Variants in SEC63 observed in about 807,000 individuals in gnomAD.
SEC63 encodes SEC63 protein translocation regulator.
In SEC63, 56 loss-of-function variants were observed where a neutral mutation model predicts 116.2. The observed-to-expected ratio is 0.48, with a 90% confidence interval of 0.39 to 0.60. The LOEUF (loss-of-function observed/expected upper bound fraction) is 0.60. Ranked by LOEUF, SEC63 falls within the 20% of genes least tolerant of loss-of-function variation. The pLI, the probability that SEC63 is intolerant of heterozygous loss-of-function variation, is 0.00. For synonymous variants in SEC63, 273 were observed against 294.6 expected, an observed-to-expected ratio of 0.93 and a Z score of 0.75; for missense variants, 668 against 900.0, an observed-to-expected ratio of 0.74 and a Z score of 3.30.
intron 4 of SEC63, among the ~76,000 whole-genome samples, chr6:107,918,691 CAA>C (rs56764439): frequency 1.8e-5 from 2 of 111,674 alleles, no homozygotes. Flanking sequence ...GACTCCATCT[CAA>C]AAAAAAAAAA....
chr6:107,898,701 A>G (rs867995081), intron 13 of SEC63, among the ~76,000 whole-genome samples: 2 of 152,216 alleles, frequency 1.3e-5, no homozygotes, highest in Non-Finnish European at 2.9e-5. Flanking sequence ...AAAGTTAATA[A>G]AACAAAATAA....
chr6:107,941,584 T>C (rs1405317943), intron 1 of SEC63, among the ~76,000 whole-genome samples: 1 of 152,130 alleles, frequency 6.6e-6, no homozygotes, highest in Non-Finnish European at 1.5e-5. Flanking sequence ...AACACCCAGA[T>C]AGTAATCATT....
Position 107,883,046 on chromosome 6 carries a change from C to A in SEC63, c.1775G>T (p.Gly592Val). The change falls in exon 17 of 21, where the codon GGT becomes GTT. Residue 592 changes from glycine to valine, a missense_variant. Around this residue, in one of 5 missense-constraint regions of SEC63, gnomAD observed 430 missense variants for 557.5 expected, o/e 0.77. Coordinates refer to ENST00000369002, the MANE Select transcript of SEC63 (RefSeq NM_007214.5). ...CTCTCTATCAGAGTCTCTGTCACTA[C>A]CATCATCTTTCTCACTTTGGGAATC... ...NRDSQSEKDD[G>V]SDRDSDREQD... 1 of 1,613,028 alleles carries A rather than the reference C, an allele frequency of 6.2e-7. No homozygotes were observed. The highest frequency in any genetic ancestry group is 8.5e-7 in the Non-Finnish European group (1 of 1,179,596).
intron 7 of SEC63, 196 bp downstream of exon 7, chr6:107,911,150 G>C (rs750147756): frequency 8.4e-6 from 5 of 594,322 alleles, no homozygotes; most frequent in Non-Finnish European, 1.5e-5. Context: ...GGAGTGCAGA[G>C]GTGGGGTCAT....
intron 10 of SEC63, 28 bp downstream of exon 10, chr6:107,906,420 C>T: frequency 6.2e-7 from 1 of 1,612,820 alleles, no homozygotes. Context: ...TCCCACTAAA[C>T]CTCTGTAGAT....
At position 107,939,310 on chromosome 6, in the gene SEC63, TTTGAAAACAA is replaced by T. The variant is rs529873685; in HGVS notation, c.125-9806_125-9797del. 4.6e-5 allele frequency among the ~76,000 whole-genome samples: 7 copies of T among 152,334 alleles called. No homozygotes were observed. In the South Asian group the frequency reaches 1.4e-3, roughly 32 times the overall value. On this transcript the variant is annotated intron_variant, in intron 1 of 20. Transcript: ENST00000369002. ...GAAAAAAAAACAACTAAAACTTATTTTTGAAAACAAAAAGTACACTTCTGCCAGTATGGCT... is the reference window on the plus strand; with the variant it reads ...GAAAAAAAAACAACTAAAACTTATTTAAAGTACACTTCTGCCAGTATGGCT...
chr6:107,956,738 G>A (rs111720229), intron 1 of SEC63, among the ~76,000 whole-genome samples: 2,232 of 151,968 alleles, frequency 0.015, 66 homozygotes, highest in African/African-American at 0.051. Context: ...GGGGCGGGGG[G>A]GAAAAAGAAT....
At chr6:107,908,388 T>C (rs1203745186) in intron 8 of SEC63, among the ~76,000 whole-genome samples, 1 of 152,202 alleles carries the variant, frequency 6.6e-6, no homozygotes, top group Non-Finnish European at 1.5e-5. Flanking sequence ...ACTCTAGCAC[T>C]AGTTTTCTTT....
chr6:107,901,624 A>T, intron 12 of SEC63, 107 bp from the exon 13 acceptor site: 1 of 776,048 alleles, frequency 1.3e-6, no homozygotes, highest in Non-Finnish European at 2.1e-6. Context: ...CAACTTTTAG[A>T]AAAGTGTTGA....
intron 1 of SEC63, among the ~76,000 whole-genome samples, chr6:107,953,236 G>A (rs1280123336): frequency 6.6e-6 from 1 of 152,222 alleles, no homozygotes; most frequent in Non-Finnish European, 1.5e-5. Context: ...CTTCAGCCTG[G>A]GTGACAGAGC....
Position 107,883,087 on chromosome 6 carries a change from T to C in SEC63, c.1734A>G (p.Glu578=), listed in dbSNP as rs377520783. 1 of 1,613,008 alleles carries C rather than the reference T, an allele frequency of 6.2e-7. No individual in the cohort carries two copies. Among genetic ancestry groups the C allele is most frequent in the Non-Finnish European group, 8.5e-7 (1 of 1,179,474 alleles). The change falls in exon 17 of 21, where the codon GAA becomes GAG. Residue 578 remains glutamate, a synonymous_variant. Transcript: ENST00000369002. ...TTTGGGAATCTCTATTGGTTTCTTCTTCTTCAGAATCACTGCCCTTATCTG... is the reference window on the plus strand; with the variant it reads ...TTTGGGAATCTCTATTGGTTTCTTCCTCTTCAGAATCACTGCCCTTATCTG... ...EVSDKGSDSE[E]EETNRDSQSE...
At chr6:107,908,737 T>A (rs186069764) in intron 8 of SEC63, among the ~76,000 whole-genome samples, 190 bp downstream of exon 8, 41 of 152,284 alleles carry the variant, frequency 2.7e-4, no homozygotes, top group African/African-American at 9.4e-4. Flanking sequence ...TAAATGTGAA[T>A]AATGAAAATA....
chr6:107,950,251 G>GT lies in SEC63; in HGVS notation c.124+7634dup, dbSNP rs1469848825. ...AGATATAACATTTATAAACATTTAC[G>GT]TATCTAATGATCATCAAAATGTACA... On this transcript the variant is annotated intron_variant, in intron 1 of 20. Coordinates refer to ENST00000369002, the MANE Select transcript of SEC63 (RefSeq NM_007214.5). Among the ~76,000 whole-genome samples the GT allele has an allele frequency of 5.3e-4, 81 of 151,804 alleles. 2 individuals carry two copies. Among genetic ancestry groups the GT allele is most frequent in the African/African-American group, 1.9e-3 (78 of 41,138 alleles).
At chr6:107,904,864 T>C (rs1787108094) in intron 10 of SEC63, 143 bp from the exon 11 acceptor site, 1 of 729,128 alleles carries the variant, frequency 1.4e-6, no homozygotes, top group South Asian at 1.5e-5. Context: ...AATGGAAGAG[T>C]TTCTCCTCAG....
chr6:107,876,684 A>AAAG (rs1347262883), intron 18 of SEC63, 22 bp from the exon 19 acceptor site: 2 of 1,491,362 alleles, frequency 1.3e-6, no homozygotes, highest in African/African-American at 2.8e-5. Flanking sequence ...AAAAAAAAAA[A>AAAG]AAAAAGAAGA....
intron 2 of SEC63, among the ~76,000 whole-genome samples, chr6:107,928,513 A>G (rs1787728209): frequency 6.6e-6 from 1 of 151,976 alleles, no homozygotes; most frequent in Admixed American, 6.6e-5. Flanking sequence ...GAAAAGAAAA[A>G]TAAACTAAAT....
chr6:107,904,354 G>C (rs1374836016), intron 11 of SEC63, among the ~76,000 whole-genome samples: 1 of 151,004 alleles, frequency 6.6e-6, no homozygotes, highest in Non-Finnish European at 1.5e-5. Flanking sequence ...AGGTTGCAGA[G>C]AGCCAAGATT....
chr6:107,942,498 C>CG (rs1470925811), intron 1 of SEC63, among the ~76,000 whole-genome samples: 1 of 152,078 alleles, frequency 6.6e-6, no homozygotes, highest in African/African-American at 2.4e-5. Flanking sequence ...ACTACGTACC[C>CG]GGACTTTTCT....
chr6:107,954,027 GGGGAAAGGCA>G (rs980451108), intron 1 of SEC63, among the ~76,000 whole-genome samples: 1 of 152,236 alleles, frequency 6.6e-6, no homozygotes, highest in African/African-American at 2.4e-5. Flanking sequence ...AATAGAAAGA[GGGGAAAGGCA>G]GGGAAAGGAT....
Sources: gnomAD v4.1 joint callset for allele counts (sites outside exome capture counted in the v4.1 genomes callset) on GRCh38, gnomAD v4.1.1 for gene constraint, gnomAD v4.1.1 regional missense constraint, MANE v1.5 for transcripts, NCBI Gene and HGNC (gene_info 2026-07-23, HGNC 2026-07-21) for gene names.